Variants in PTCD2 observed in about 807,000 individuals in gnomAD.
PTCD2 encodes the protein pentatricopeptide repeat domain 2.
A neutral mutation model predicts 42.6 loss-of-function variants in PTCD2; 31 were observed. The observed-to-expected ratio is 0.73, with a 90% CI of 0.55 to 0.98. The LOEUF (loss-of-function observed/expected upper bound fraction) is 0.98. Ranked by LOEUF, PTCD2 falls within the 50% of genes least tolerant of loss-of-function variation. The pLI is 0.00. For synonymous variants in PTCD2, 183 were observed against 170.9 expected (o/e 1.07, Z -0.55); for missense variants, 476 against 454.8 (o/e 1.05, Z -0.42).
chr5:72,356,070 T>C (rs576136914), intron 9 of PTCD2, among the ~76,000 whole-genome samples: 2 of 152,340 alleles, frequency 1.3e-5, no homozygotes, highest in Non-Finnish European at 2.9e-5. Flanking sequence ...CTATTTGCAG[T>C]TTTAGCTCTG....
At chr5:72,328,574 G>A (rs1453957112) in intron 3 of PTCD2, among the ~76,000 whole-genome samples, 4 of 152,096 alleles carry the variant, frequency 2.6e-5, no homozygotes, top group Admixed American at 6.6e-5. Context: ...AGCCATCTTT[G>A]GGGCCTGTTG....
At chr5:72,354,281 G>A (rs1168909662) in intron 9 of PTCD2, among the ~76,000 whole-genome samples, 1 of 144,980 alleles carries the variant, frequency 6.9e-6, no homozygotes, top group Non-Finnish European at 1.5e-5. Context: ...CATGCCTGTA[G>A]TCCCAGGTAC....
chr5:72,341,525 G>A (rs1259837564), intron 7 of PTCD2, among the ~76,000 whole-genome samples: 1 of 151,450 alleles, frequency 6.6e-6, no homozygotes, highest in East Asian at 2.0e-4. Flanking sequence ...TTGAGGCCAG[G>A]AGTTTGAGAC....
At chr5:72,334,519 C>T (rs896684586) in intron 4 of PTCD2, among the ~76,000 whole-genome samples, 1 of 151,906 alleles carries the variant, frequency 6.6e-6, no homozygotes, top group Admixed American at 6.6e-5. Flanking sequence ...AGCATGACAG[C>T]CAAGAGAGTG....
Position 72,335,834 on chromosome 5 carries a change from G to A in PTCD2, c.588G>A (p.Val196=), listed in dbSNP as rs150006475. The A allele has an allele frequency of 4.8e-5, 77 of 1,613,872 alleles. No homozygotes were observed. The highest frequency in any genetic ancestry group is 1.0e-4 in the Admixed American group (6 of 60,006). ...TGATAGAGATGAAAAACCAAGATGT[G>A]AAGTTCACCAAAGATACCTATGTTC... ...QVLIEMKNQD[V]KFTKDTYVLA... is the part of the protein sequence containing the mutation. The change falls in exon 6 of 10, where the codon GTG becomes GTA. Residue 196 remains valine (V), a synonymous_variant. Transcript: ENST00000380639.
chr5:72,340,351 A>C (rs1226551796), intron 7 of PTCD2, among the ~76,000 whole-genome samples: 3 of 152,062 alleles, frequency 2.0e-5, no homozygotes, highest in Non-Finnish European at 2.9e-5. Flanking sequence ...GATAGTGTTC[A>C]CTTTACTCTT....
chr5:72,333,851 T>G lies in PTCD2; in HGVS notation c.469-1167T>G, dbSNP rs547173012. On this transcript the variant is annotated intron_variant, in intron 4 of 9. Transcript: ENST00000380639. ...ATATACATATTTCAAAACAACATAC[T>G]GTTTTTTGGGGTTTTTTTTGGATAC... 2.0e-5 allele frequency among the ~76,000 whole-genome samples: 3 copies of G among 152,202 alleles called. No homozygotes were observed. The South Asian group carries it at 6.2e-4, about 32-fold the overall frequency.
At chr5:72,345,397 C>G (rs1752308746) in intron 8 of PTCD2, among the ~76,000 whole-genome samples, 1 of 152,160 alleles carries the variant, frequency 6.6e-6, no homozygotes, top group African/African-American at 2.4e-5. Context: ...GCTCTACAAA[C>G]AATTTGTGCA....
At chr5:72,321,073 G>C (rs966615011) in intron 1 of PTCD2, 1 of 154,054 alleles carries the variant, frequency 6.5e-6, no homozygotes, top group African/African-American at 2.4e-5. Flanking sequence ...CAAAGTGCTG[G>C]GATTATAGGA....
intron 9 of PTCD2, among the ~76,000 whole-genome samples, chr5:72,357,557 T>C (rs1306271617): frequency 6.6e-6 from 1 of 152,148 alleles, no homozygotes; most frequent in East Asian, 1.9e-4. Flanking sequence ...TTAGAATAAA[T>C]TTCAAAAAAC....
chr5:72,352,733 A>G lies in PTCD2; in HGVS notation c.921A>G (p.Arg307=). 1 of 1,587,790 alleles carries G rather than the reference A, an allele frequency of 6.3e-7. No homozygotes were observed. The highest frequency in any genetic ancestry group is 8.6e-7 in the Non-Finnish European group (1 of 1,156,318). Residue 307 remains arginine (R), a synonymous_variant, in exon 9 of 10, where the codon AGA becomes AGG. Transcript: ENST00000380639. The part of the protein sequence containing the change: ...AEGNLSKFVK[R]HVFSEEVLAK... ...GAAATTTATCAAAATTTGTGAAAAG[A>G]CATGTGTTCTCGGAGGAAGTGGTGA... is the stretch of plus-strand genomic sequence containing the variant.
chr5:72,340,214 A>T (rs944660222), intron 7 of PTCD2, among the ~76,000 whole-genome samples: 1 of 152,076 alleles, frequency 6.6e-6, no homozygotes, highest in African/African-American at 2.4e-5. Flanking sequence ...TTAATTATTT[A>T]ATTCTTTTGA....
chr5:72,334,447 G>A (rs1223202792), intron 4 of PTCD2, among the ~76,000 whole-genome samples: 5 of 152,118 alleles, frequency 3.3e-5, no homozygotes, highest in Admixed American at 1.3e-4. Flanking sequence ...GACAAATGAC[G>A]GTTCCTTAAA....
chr5:72,353,590 G>C (rs970190897), intron 9 of PTCD2, among the ~76,000 whole-genome samples: 62 of 152,292 alleles, frequency 4.1e-4, no homozygotes, highest in African/African-American at 1.5e-3. Flanking sequence ...AGAGTTGCTA[G>C]GTCTAGCAGA....
chr5:72,336,538 C>T (rs981886726), intron 6 of PTCD2, among the ~76,000 whole-genome samples: 5 of 151,964 alleles, frequency 3.3e-5, no homozygotes, highest in Non-Finnish European at 7.4e-5. Flanking sequence ...ATGACTTATA[C>T]GTTCTTTTAT....
chr5:72,320,705 G>A, intron 1 of PTCD2, 196 bp downstream of exon 1: 3 of 665,412 alleles, frequency 4.5e-6, no homozygotes, highest in Non-Finnish European at 7.6e-6. Context: ...CCTGCAAATC[G>A]AAGGACTGCT....
chr5:72,326,936 AT>A (rs1751171327), intron 3 of PTCD2, among the ~76,000 whole-genome samples, 195 bp downstream of exon 3: 1 of 152,138 alleles, frequency 6.6e-6, no homozygotes, highest in Admixed American at 6.5e-5. Flanking sequence ...GGTTCCTACT[AT>A]ATGCTGGGTG....
chr5:72,336,113 G>A (rs1751727457), intron 6 of PTCD2, among the ~76,000 whole-genome samples: 1 of 152,210 alleles, frequency 6.6e-6, no homozygotes, highest in South Asian at 2.1e-4. Context: ...TGATTGTGTA[G>A]ATAGTGAGAA....
intron 2 of PTCD2, among the ~76,000 whole-genome samples, chr5:72,324,888 A>C (rs776919611): frequency 6.6e-6 from 1 of 152,012 alleles, no homozygotes; most frequent in Non-Finnish European, 1.5e-5. Context: ...TTTAAAACAC[A>C]AGTTATATCT....
Sources: gnomAD v4.1 joint callset for allele counts (sites outside exome capture counted in the v4.1 genomes callset) on GRCh38, gnomAD v4.1.1 for gene constraint, MANE v1.5 for transcripts, NCBI Gene and HGNC (gene_info 2026-07-23, HGNC 2026-07-21) for gene names.